Variants in MISFA observed in about 807,000 individuals in gnomAD.
MISFA encodes mitochondrial sheath formation associated.
At chr11:18,600,512 C>CTT in the MISFA span, among the ~76,000 whole-genome samples, 2,428 of 54,074 alleles carry the variant, frequency 0.045, 116 homozygotes, top group Admixed American at 0.061. Context: ...TGGGGACATC[C>CTT]TTTTTTTTTT....
the MISFA span, chr11:18,608,856 G>A: frequency 6.6e-6 from 1 of 152,538 alleles, no homozygotes; most frequent in South Asian, 2.1e-4. Flanking sequence ...TGGTGCTCTC[G>A]ATACCATAAA....
the MISFA span, among the ~76,000 whole-genome samples, chr11:18,604,114 G>T: frequency 6.6e-6 from 1 of 151,542 alleles, no homozygotes. Context: ...TTTTAGTAGA[G>T]ACGGGGTTTC....
chr11:18,600,267 G>A, the MISFA span, among the ~76,000 whole-genome samples: 19 of 151,982 alleles, frequency 1.3e-4, no homozygotes, highest in Admixed American at 1.0e-3. Flanking sequence ...GCAGTGGCGC[G>A]ATCTCGGCTC....
At chr11:18,605,661 T>G in the MISFA span, among the ~76,000 whole-genome samples, 1 of 152,214 alleles carries the variant, frequency 6.6e-6, no homozygotes, top group Non-Finnish European at 1.5e-5. Context: ...AGTACTTACA[T>G]CCTCTGGCTG....
At chr11:18,602,802 C>A in the MISFA span, among the ~76,000 whole-genome samples, 3 of 152,158 alleles carry the variant, frequency 2.0e-5, no homozygotes, top group African/African-American at 4.8e-5. Flanking sequence ...CACAGACACA[C>A]CAGAGCACAG....
the MISFA span, among the ~76,000 whole-genome samples, chr11:18,605,466 TTTG>T: frequency 2.0e-5 from 3 of 152,150 alleles, no homozygotes; most frequent in South Asian, 2.1e-4. Context: ...TAGAAAACAT[TTTG>T]TTATTTGGGA....
the MISFA span, among the ~76,000 whole-genome samples, chr11:18,604,155 T>C: frequency 6.6e-6 from 1 of 152,026 alleles, no homozygotes; most frequent in South Asian, 2.1e-4. Flanking sequence ...CTCGATCTCC[T>C]GACCTCATGA....
chr11:18,602,870 C>T, the MISFA span: 18 of 354,236 alleles, frequency 5.1e-5, no homozygotes, highest in Non-Finnish European at 2.5e-5. Flanking sequence ...CCAACCATCC[C>T]ATAGGTGCTC....
the MISFA span, among the ~76,000 whole-genome samples, chr11:18,605,008 C>T: frequency 9.2e-5 from 14 of 152,014 alleles, no homozygotes; most frequent in Non-Finnish European, 1.3e-4. Flanking sequence ...TTTGGGAGGC[C>T]GAGGCAGGCG....
At chr11:18,606,406 A>G in the MISFA span, 2 of 171,218 alleles carry the variant, frequency 1.2e-5, no homozygotes, top group Admixed American at 1.3e-4. Context: ...AAAAATATCA[A>G]TAAAATATTT....
the MISFA span, chr11:18,602,905 C>T: frequency 2.6e-6 from 1 of 377,572 alleles, no homozygotes. Context: ...GCCAAGGTTA[C>T]AGGAGCTGAT....
the MISFA span, among the ~76,000 whole-genome samples, chr11:18,605,447 T>C: frequency 3.3e-5 from 5 of 152,360 alleles, no homozygotes; most frequent in East Asian, 9.6e-4. Flanking sequence ...AGCAGATCTT[T>C]TGTTTACATA....
At chr11:18,608,878 G>C in the MISFA span, 1 of 152,248 alleles carries the variant, frequency 6.6e-6, no homozygotes, top group Non-Finnish European at 1.5e-5. Flanking sequence ...TTAGTTTTTG[G>C]TTTTCTGCCA....
chr11:18,605,831 C>T, the MISFA span, among the ~76,000 whole-genome samples: 2 of 152,132 alleles, frequency 1.3e-5, no homozygotes, highest in African/African-American at 4.8e-5. Context: ...GCAGGGATTA[C>T]AACGCACGCC....
At chr11:18,604,473 T>TG in the MISFA span, among the ~76,000 whole-genome samples, 184 of 151,816 alleles carry the variant, frequency 1.2e-3, 2 homozygotes, top group East Asian at 0.029. Context: ...CTTGCCAACA[T>TG]GGTGAAACCC....
chr11:18,601,654 C>T, the MISFA span: 2 of 396,332 alleles, frequency 5.0e-6, no homozygotes, highest in Non-Finnish European at 4.4e-6. Flanking sequence ...AAGTGGTCCC[C>T]CAGCCTTGGC....
At chr11:18,605,984 A>G in the MISFA span, among the ~76,000 whole-genome samples, 1 of 152,062 alleles carries the variant, frequency 6.6e-6, no homozygotes, top group Non-Finnish European at 1.5e-5. Context: ...AGCCTGCCTC[A>G]TATACATTTC....
At chr11:18,602,980 AGGCCACGAAGC>A in the MISFA span, 1 of 395,404 alleles carries the variant, frequency 2.5e-6, no homozygotes, top group Non-Finnish European at 4.5e-6. Flanking sequence ...AATTCAGACT[AGGCCACGAAGC>A]TCCTTAGTGA....
At chr11:18,609,655 T>C in the MISFA span, 42 of 580,870 alleles carry the variant, frequency 7.2e-5, no homozygotes, top group Admixed American at 7.5e-4. Flanking sequence ...CAAGTGGGCA[T>C]TATATCATCT....
Sources: allele counts gnomAD v4.1 joint callset (sites outside exome capture counted in the v4.1 genomes callset), GRCh38; gene constraint gnomAD v4.1.1; transcripts MANE v1.5; gene names NCBI Gene and HGNC (gene_info 2026-07-23, HGNC 2026-07-21).